CFAP97: variants seen among roughly 807,000 people sequenced by gnomAD.
The protein encoded by CFAP97 is cilia and flagella associated protein 97, also known as cilia- and flagella-associated protein 97.
Under a neutral mutation model 43.1 loss-of-function variants are expected in CFAP97, and 36 were observed. The observed-to-expected ratio is 0.84, with a 90% CI of 0.64 to 1.10. CFAP97 has a LOEUF of 1.10. Among genes scored for constraint, CFAP97 ranks in the 50% least tolerant of loss-of-function variants. CFAP97 has a pLI of 0.00. For missense variants in CFAP97, 657 were observed against 620.3 expected (o/e 1.06, Z -0.63); for synonymous variants, 228 against 225.7 (o/e 1.01, Z -0.09).
intron 3 of CFAP97, chr4:185,169,631 C>A: frequency 3.0e-6 from 3 of 984,940 alleles, no homozygotes; most frequent in Non-Finnish European, 3.6e-6. Flanking sequence ...TTAACCTAGC[C>A]CATCTTTTGA....
rs1293220713 is a variant in CFAP97 at position 185,209,184 on chromosome 4, T to C, written c.-74+141A>G. ...GGCAGGGTGGGAAAGGGAAGGTCGTTAGAAACTGTGACAGGGAGTCTCGGG... is the reference window on the plus strand; with the variant it reads ...GGCAGGGTGGGAAAGGGAAGGTCGTCAGAAACTGTGACAGGGAGTCTCGGG... On this transcript the variant is annotated intron_variant, in intron 1 of 2. Transcript: ENST00000503223. This position sits in a 1 kb window ranked among gnomAD's most constrained non-coding sequence, Gnocchi z 5.2. The C allele has an allele frequency of 6.6e-6, 1 of 152,128 alleles. No homozygotes were observed. The highest frequency in any genetic ancestry group is 1.5e-5 in the Non-Finnish European group (1 of 68,022). 9.4% of individuals were successfully genotyped at this position (152,128 alleles called of 1,614,324 possible).
chr4:185,171,763 G>C (rs534157236), intron 3 of CFAP97, among the ~76,000 whole-genome samples: 2 of 152,260 alleles, frequency 1.3e-5, no homozygotes, highest in South Asian at 4.1e-4. Context: ...CACCCAGGCT[G>C]AACTGATCAC....
intron 4 of CFAP97, among the ~76,000 whole-genome samples, chr4:185,163,668 T>C (rs1417414456): frequency 6.6e-6 from 1 of 152,104 alleles, no homozygotes; most frequent in African/African-American, 2.4e-5. Context: ...ATATAAGGGC[T>C]GGAGGCTATT....
intron 2 of CFAP97, among the ~76,000 whole-genome samples, chr4:185,176,652 A>G (rs1444929867): frequency 6.6e-6 from 1 of 152,192 alleles, no homozygotes; most frequent in Admixed American, 6.5e-5. Context: ...TGCCTTTGTT[A>G]TATCAATTTT....
At chr4:185,198,190 C>A (rs563592529) in intron 1 of CFAP97, among the ~76,000 whole-genome samples, 1 of 152,302 alleles carries the variant, frequency 6.6e-6, no homozygotes, top group Admixed American at 6.5e-5. Context: ...CGCCTATAAT[C>A]CCAACACTTC....
rs1734883627 is a variant in CFAP97, at chr4:185,161,826, TC to T, written c.*971del. 6.6e-6 allele frequency: 1 copy of T among 152,218 alleles called. No homozygotes were observed. Among genetic ancestry groups the T allele is most frequent in the African/African-American group, 2.4e-5 (1 of 41,464 alleles). 9.4% of individuals were successfully genotyped at this position (152,218 alleles called of 1,614,324 possible). On this transcript the variant is annotated 3_prime_UTR_variant, in exon 5 of 5. Transcript: ENST00000458385. Reference sequence around the variant, plus strand: ...CCTTTTTGTTCAAATTTTAGTTTTTTCAGGCCTTATAAATACTTGCTGGAAT... The same window carrying T: ...CCTTTTTGTTCAAATTTTAGTTTTTTAGGCCTTATAAATACTTGCTGGAAT...
At chr4:185,182,322 G>A (rs1579247133) in intron 2 of CFAP97, 1 of 151,902 alleles carries the variant, frequency 6.6e-6, no homozygotes, top group Non-Finnish European at 1.5e-5. Flanking sequence ...CAAGATGAAG[G>A]ATCTAATTCC....
upstream of CFAP97, among the ~76,000 whole-genome samples, chr4:185,205,882 G>A (rs1307258116): frequency 6.6e-6 from 1 of 152,110 alleles, no homozygotes; most frequent in Non-Finnish European, 1.5e-5. Context: ...GACTTGAGTA[G>A]ATATTTCTCC....
At chr4:185,197,533 T>C (rs1220261047) in intron 1 of CFAP97, among the ~76,000 whole-genome samples, 1 of 152,056 alleles carries the variant, frequency 6.6e-6, no homozygotes, top group Non-Finnish European at 1.5e-5. Context: ...CTTCAAGGGA[T>C]TCTCCTGCCT....
At chr4:185,173,843 G>A (rs77989369) in intron 3 of CFAP97, among the ~76,000 whole-genome samples, 6,605 of 152,232 alleles carry the variant, frequency 0.043, 267 homozygotes, top group South Asian at 0.12. Flanking sequence ...TATGCTTAAT[G>A]CCACTGAATT....
chr4:185,179,277 C>T (rs535920911), intron 2 of CFAP97, among the ~76,000 whole-genome samples: 9 of 151,960 alleles, frequency 5.9e-5, no homozygotes, highest in East Asian at 3.9e-4. Flanking sequence ...AATCTGTGGC[C>T]GGAAGTTGGA....
chr4:185,181,538 T>G (rs1244725604), intron 2 of CFAP97, among the ~76,000 whole-genome samples: 1 of 152,034 alleles, frequency 6.6e-6, no homozygotes, highest in Non-Finnish European at 1.5e-5. Context: ...TTGGTCAGGC[T>G]GGTCTCGAAC....
chr4:185,179,052 A>G (rs551699591), intron 2 of CFAP97, among the ~76,000 whole-genome samples: 1 of 152,126 alleles, frequency 6.6e-6, no homozygotes, highest in Non-Finnish European at 1.5e-5. Context: ...GAAAGAATAT[A>G]AAAGAGCCAA....
intron 3 of CFAP97, among the ~76,000 whole-genome samples, chr4:185,167,338 T>A (rs1735111032): frequency 6.6e-6 from 1 of 152,022 alleles, no homozygotes; most frequent in African/African-American, 2.4e-5. Context: ...CGTGGTTGCA[T>A]GTGCCTGTGG....
rs76801972 is a variant in CFAP97, at chr4:185,190,124, A to C, written c.1054+19T>G. ...ATATAATATTTAAACACACATTTTT[A>C]AGAAGAAAAGAAAATTACCTTTCAA... On this transcript the variant is annotated intron_variant, in intron 2 of 4. Coordinates refer to ENST00000458385, the MANE Select transcript of CFAP97 (RefSeq NM_020827.3). The C allele has an allele frequency of 0.021, 32,101 of 1,511,570 alleles. 518 individuals are homozygous for C. The highest frequency in any genetic ancestry group is 0.073 in the Middle Eastern group (412 of 5,664). The allele number at this position is 1,511,570 out of a possible 1,614,324, so 93.6% of individuals were successfully genotyped here.
intron 3 of CFAP97, 47 bp from the exon 4 acceptor site, chr4:185,164,226 A>AT (rs756046919): frequency 6.4e-7 from 1 of 1,565,740 alleles, no homozygotes; most frequent in South Asian, 1.1e-5. Flanking sequence ...AACAGCAATC[A>AT]TTTTTAACAA....
chr4:185,191,690 C>G (rs1049346421), intron 1 of CFAP97, among the ~76,000 whole-genome samples: 1 of 152,050 alleles, frequency 6.6e-6, no homozygotes, highest in African/African-American at 2.4e-5. Flanking sequence ...ATTAGCTGGG[C>G]GTGATGGCAC....
At chr4:185,186,646 G>C (rs1368694325) in intron 2 of CFAP97, among the ~76,000 whole-genome samples, 1 of 152,128 alleles carries the variant, frequency 6.6e-6, no homozygotes, top group South Asian at 2.1e-4. Context: ...CCAGATGCTA[G>C]TGATTAGCAA....
chr4:185,184,753 T>C (rs1307032909), intron 2 of CFAP97, among the ~76,000 whole-genome samples: 2 of 152,216 alleles, frequency 1.3e-5, no homozygotes, highest in Non-Finnish European at 2.9e-5. Flanking sequence ...CACTGATGAC[T>C]CTGAACAAAA....
Sources: allele counts gnomAD v4.1 joint callset (sites outside exome capture counted in the v4.1 genomes callset), GRCh38; gene constraint gnomAD v4.1.1; non-coding constraint Gnocchi (gnomAD v3.1); transcripts MANE v1.5; gene names NCBI Gene and HGNC (gene_info 2026-07-23, HGNC 2026-07-21).